The following ADGRL2 variants were observed in gnomAD, a reference collection of about 807,000 sequenced individuals.
The protein encoded by ADGRL2 is adhesion G protein-coupled receptor L2.
In ADGRL2, 44 loss-of-function variants were observed where a neutral mutation model predicts 157.4. That is an observed-to-expected ratio of 0.28 (90% CI 0.22 to 0.36). ADGRL2 has a LOEUF of 0.36. Among genes scored for constraint, ADGRL2 ranks in the 10% least tolerant of loss-of-function variants. The probability of loss-of-function intolerance (pLI) is 1.00; values close to 1 mark genes in which losing one functional copy is unlikely to be tolerated. For synonymous variants in ADGRL2, 585 were observed against 624.7 expected (o/e 0.94, Z 0.95); for missense variants, 1,510 against 1,768.9 (o/e 0.85, Z 2.63).
chr1:81,432,643 A>G (rs1335863657), intron 1 of ADGRL2, among the ~76,000 whole-genome samples: 2 of 152,164 alleles, frequency 1.3e-5, no homozygotes, highest in Non-Finnish European at 2.9e-5. Flanking sequence ...TACTGAGACC[A>G]TGCCTGTTTC....
exon 1 of ADGRL2, chr1:81,306,479 A>G (rs1258894635): frequency 6.6e-6 from 1 of 151,722 alleles, no homozygotes; most frequent in East Asian, 1.9e-4. Context: ...TTTTTTTTAT[A>G]AAGGAACTTA....
At chr1:81,398,738 G>T (rs2076699801) in intron 1 of ADGRL2, among the ~76,000 whole-genome samples, 1 of 151,922 alleles carries the variant, frequency 6.6e-6, no homozygotes, top group Non-Finnish European at 1.5e-5. Flanking sequence ...TTCTCTCCTG[G>T]TCTATAAGAC....
intron 2 of ADGRL2, among the ~76,000 whole-genome samples, chr1:81,481,859 T>G (rs188779836): frequency 1.4e-3 from 217 of 152,320 alleles, no homozygotes; most frequent in African/African-American, 5.2e-3. Flanking sequence ...AGCCCTTCCC[T>G]GTTTCTTTGC....
chr1:81,983,075 A>T (rs1483771324), intron 19 of ADGRL2, among the ~76,000 whole-genome samples: 1 of 138,446 alleles, frequency 7.2e-6, no homozygotes, highest in Non-Finnish European at 1.6e-5. Context: ...TTGTATGTTC[A>T]TAATTTTTGT....
intron 2 of ADGRL2, among the ~76,000 whole-genome samples, chr1:81,772,201 G>C (rs1458423852): frequency 6.8e-6 from 1 of 146,520 alleles, no homozygotes; most frequent in African/African-American, 2.5e-5. Flanking sequence ...AGTGAGCCGA[G>C]ATCGTGCCAC....
rs966607722 is a variant in ADGRL2 at position 81,623,290 on chromosome 1, G to T, written c.-143+42310G>T. On this transcript the variant is annotated intron_variant, in intron 3 of 24. Transcript: ENST00000370721. The stretch of plus-strand genomic sequence containing the variant: ...CAGATATTTCAAAGAACAAACAAGA[G>T]AACTTCAAGACAAATTAAATATGGA... Among the ~76,000 whole-genome samples, 7 of 152,264 alleles carry T rather than the reference G, an allele frequency of 4.6e-5. No homozygotes were observed. In the East Asian group the frequency reaches 1.3e-3, roughly 29 times the overall value.
At chr1:81,392,575 C>T (rs187267866) in intron 1 of ADGRL2, among the ~76,000 whole-genome samples, 7 of 152,214 alleles carry the variant, frequency 4.6e-5, no homozygotes, top group Non-Finnish European at 8.8e-5. Flanking sequence ...TAACCACTCT[C>T]CATTAGATAA....
chr1:81,663,387 G>A (rs961504774), intron 3 of ADGRL2, among the ~76,000 whole-genome samples: 7 of 152,046 alleles, frequency 4.6e-5, no homozygotes, highest in African/African-American at 1.7e-4. Context: ...TCTCGCCTAC[G>A]AATAGAGTAG....
chr1:81,884,644 A>G (rs2094080584), intron 2 of ADGRL2, among the ~76,000 whole-genome samples: 1 of 152,210 alleles, frequency 6.6e-6, no homozygotes, highest in Non-Finnish European at 1.5e-5. Flanking sequence ...TATTTTCTGT[A>G]TAAGATGGGG....
chr1:81,328,309 A>G (rs1661037009), intron 1 of ADGRL2, among the ~76,000 whole-genome samples: 1 of 152,164 alleles, frequency 6.6e-6, no homozygotes, highest in African/African-American at 2.4e-5. Context: ...AAGAATTTTG[A>G]GGAAACCATA....
At chr1:81,488,831 T>C (rs2078565685) in intron 2 of ADGRL2, among the ~76,000 whole-genome samples, 1 of 152,088 alleles carries the variant, frequency 6.6e-6, no homozygotes, top group African/African-American at 2.4e-5. Context: ...ACCTGATGTC[T>C]ACTAGATAAA....
chr1:81,821,117 C>G (rs2090949932), intron 1 of ADGRL2, among the ~76,000 whole-genome samples: 1 of 152,090 alleles, frequency 6.6e-6, no homozygotes, highest in Non-Finnish European at 1.5e-5. Flanking sequence ...GTTGTCAATA[C>G]TGTAGTTGTG....
chr1:81,341,196 T>C (rs1179563313), intron 1 of ADGRL2, among the ~76,000 whole-genome samples: 1 of 152,084 alleles, frequency 6.6e-6, no homozygotes, highest in Middle Eastern at 3.2e-3. Flanking sequence ...CCTTTGCCTA[T>C]AGAGGAAATA....
chr1:81,406,222 C>T (rs922646528), intron 1 of ADGRL2, among the ~76,000 whole-genome samples: 3 of 152,076 alleles, frequency 2.0e-5, no homozygotes, highest in Admixed American at 6.6e-5. Flanking sequence ...ATCACAGACC[C>T]TCTGTGTTAA....
chr1:81,539,129 T>G (rs1445453612), intron 2 of ADGRL2, among the ~76,000 whole-genome samples: 2 of 152,068 alleles, frequency 1.3e-5, no homozygotes, highest in African/African-American at 2.4e-5. Flanking sequence ...TGCATATTTA[T>G]AAATTATCCA....
At chr1:81,560,503 T>C (rs1470620302) in intron 2 of ADGRL2, among the ~76,000 whole-genome samples, 3 of 152,188 alleles carry the variant, frequency 2.0e-5, no homozygotes, top group Non-Finnish European at 2.9e-5. Flanking sequence ...GGCAACAGCC[T>C]CTATTTTTAA....
intron 2 of ADGRL2, among the ~76,000 whole-genome samples, chr1:81,558,849 T>G (rs983311879): frequency 6.6e-6 from 1 of 152,168 alleles, no homozygotes; most frequent in Non-Finnish European, 1.5e-5. Flanking sequence ...ATAATGAACC[T>G]TGCACCAGGT....
At chr1:81,478,110 A>G (rs555456900) in intron 2 of ADGRL2, among the ~76,000 whole-genome samples, 3 of 151,776 alleles carry the variant, frequency 2.0e-5, no homozygotes, top group African/African-American at 7.2e-5. Flanking sequence ...GCTTTCAGAA[A>G]GAGTCTGTGC....
At chr1:81,819,777 A>G (rs1334943978) in intron 1 of ADGRL2, among the ~76,000 whole-genome samples, 1 of 152,146 alleles carries the variant, frequency 6.6e-6, no homozygotes, top group Admixed American at 6.6e-5. Context: ...GATACTCTTC[A>G]TTGTTCAGGG....
Sources: allele counts gnomAD v4.1 joint callset (sites outside exome capture counted in the v4.1 genomes callset), GRCh38; gene constraint gnomAD v4.1.1; transcripts MANE v1.5; gene names NCBI Gene and HGNC (gene_info 2026-07-23, HGNC 2026-07-21).